MICOS13: variants seen among roughly 807,000 people sequenced by gnomAD.
MICOS13 encodes mitochondrial contact site and cristae organizing system subunit 13, also known as MICOS complex subunit MIC13.
MICOS13 carries 15 observed loss-of-function variants against 16.1 expected under a neutral mutation model. The ratio of observed to expected loss-of-function variants is 0.93; its 90% CI spans 0.62 to 1.44. The LOEUF is 1.44. MICOS13 is among the 40% of genes most tolerant of loss of function. The pLI is 0.00. For synonymous variants in MICOS13, 61 were observed against 62.6 expected (o/e 0.97, Z 0.12); for missense variants, 164 against 155.0 (o/e 1.06, Z -0.31).
intron 2 of MICOS13, 46 bp from the exon 3 acceptor site, chr19:5,679,442 A>C: frequency 6.2e-7 from 1 of 1,603,140 alleles, no homozygotes; most frequent in Non-Finnish European, 8.5e-7. Context: ...AAGGCTCAGC[A>C]GCCCATCCCC....
At chr19:5,680,333 C>A (rs1245152823) in intron 1 of MICOS13, 125 bp downstream of exon 1, 2 of 1,607,088 alleles carry the variant, frequency 1.2e-6, no homozygotes, top group African/African-American at 1.3e-5. Context: ...GGCCCATAGG[C>A]GGGGAACGAA....
At chr19:5,679,099 A>G (rs1034154721) in intron 3 of MICOS13, 14 of 484,952 alleles carry the variant, frequency 2.9e-5, no homozygotes, top group African/African-American at 2.4e-4. Context: ...TTTAGTAGAG[A>G]TGGGGTTTCA....
Position 5,680,505 on chromosome 19 carries a change from G to GC in MICOS13, c.-20dup. 1 of 1,600,488 alleles carries GC rather than the reference G, an allele frequency of 6.2e-7. No homozygotes were observed. Among genetic ancestry groups the GC allele is most frequent in the Non-Finnish European group, 8.5e-7 (1 of 1,176,452 alleles). The stretch of plus-strand genomic sequence containing the variant: ...CCACCATGGTCGCTCGGATCCACGC[G>GC]CAAGGACACTCGGCTCGCCCGCCGC... On this transcript the variant is annotated 5_prime_UTR_variant, in exon 1 of 4. Coordinates refer to ENST00000309324, the MANE Select transcript of MICOS13 (RefSeq NM_205767.3).
chr19:5,678,986 G>A, intron 3 of MICOS13: 1 of 371,890 alleles, frequency 2.7e-6, no homozygotes, highest in Non-Finnish European at 4.9e-6. Flanking sequence ...TCGGCTCACT[G>A]CAACCTCTGC....
chr19:5,679,605 G>C lies in MICOS13; in HGVS notation c.188C>G (p.Thr63Arg), dbSNP rs2054494563. Residue 63 changes from threonine (T) to arginine (R), a missense_variant, in exon 2 of 4, where the codon ACA (threonine) becomes AGA (arginine). Transcript: ENST00000309324. The part of the protein sequence containing the change: ...YQFSQYVCQQ[T>R]GLQIPQLPAP... The stretch of plus-strand genomic sequence containing the variant: ...TAGTACCTGGGGTATCTGCAGGCCT[G>C]TCTGCTGACACACGTACTGGCTGAA... 1 of 1,611,014 alleles carries C rather than the reference G, an allele frequency of 6.2e-7. No individual in the cohort carries two copies. The highest frequency in any genetic ancestry group is 1.3e-5 in the African/African-American group (1 of 74,782).
At chr19:5,679,980 T>C (rs2054503206) in intron 1 of MICOS13, 2 of 1,465,884 alleles carry the variant, frequency 1.4e-6, no homozygotes, top group African/African-American at 2.9e-5. Flanking sequence ...ACTGATGAAC[T>C]GAAACCCAGA....
intron 3 of MICOS13, 112 bp downstream of exon 3, chr19:5,679,233 A>C: frequency 8.7e-6 from 10 of 1,154,024 alleles, no homozygotes; most frequent in African/African-American, 1.6e-5. Flanking sequence ...TTAGATCCCT[A>C]AGAGACACGT....
chr19:5,678,762 G>GT, intron 3 of MICOS13, 114 bp from the exon 4 acceptor site: 1 of 576,976 alleles, frequency 1.7e-6, no homozygotes, highest in Non-Finnish European at 3.0e-6. Context: ...GGGGGGCGGG[G>GT]ATGGAGTCTC....
At chr19:5,679,508 C>G in intron 2 of MICOS13, 78 bp downstream of exon 2, 1 of 1,593,394 alleles carries the variant, frequency 6.3e-7, no homozygotes, top group Non-Finnish European at 8.6e-7. Flanking sequence ...ATATGGAGGA[C>G]AACATCGTGC....
At chr19:5,679,558 C>T in intron 2 of MICOS13, 28 bp downstream of exon 2, 1 of 1,605,030 alleles carries the variant, frequency 6.2e-7, no homozygotes, top group Non-Finnish European at 8.5e-7. Context: ...ACCCGCCAAA[C>T]CCTGGCCTCG....
Position 5,679,948 on chromosome 19 carries a change from A to C in MICOS13, c.30-185T>G, listed in dbSNP as rs1011265758. On this transcript the variant is annotated intron_variant, in intron 1 of 3. Coordinates refer to ENST00000309324, the MANE Select transcript of MICOS13 (RefSeq NM_205767.3). Reference sequence around the variant, plus strand: ...GCACTCGTTTTACAACGTGCAAGGCAGGGCGGCTGGACGCCACTTGAACTG... The same window carrying C: ...GCACTCGTTTTACAACGTGCAAGGCCGGGCGGCTGGACGCCACTTGAACTG... 28 of 1,392,032 alleles carry C rather than the reference A, an allele frequency of 2.0e-5. No individual in the cohort carries two copies. In the African/African-American group the frequency reaches 3.1e-4, roughly 15 times the overall value. 86.2% of individuals were successfully genotyped at this position (1,392,032 alleles called of 1,614,324 possible). A position where few individuals can be genotyped will look rare whatever the true frequency, so the allele number is the denominator to read the frequency against.
chr19:5,679,837 G>A (rs1250553450), intron 1 of MICOS13, 74 bp from the exon 2 acceptor site: 1 of 1,507,286 alleles, frequency 6.6e-7, no homozygotes, highest in Non-Finnish European at 8.9e-7. Flanking sequence ...GGCCCACGGG[G>A]AGAGTGAGAC....
At chr19:5,679,154 C>A in intron 3 of MICOS13, 191 bp downstream of exon 3, 2 of 604,440 alleles carry the variant, frequency 3.3e-6, no homozygotes, top group Non-Finnish European at 5.8e-6. Context: ...TCAGATGATC[C>A]GCCCACCTCA....
At chr19:5,679,316 C>T (rs2054487814) in intron 3 of MICOS13, 29 bp downstream of exon 3, 1 of 1,603,066 alleles carries the variant, frequency 6.2e-7, no homozygotes, top group Non-Finnish European at 8.5e-7. Flanking sequence ...GGGGTGTCTC[C>T]CTCCAAGCAA....
chr19:5,679,560 C>T (rs760937321), intron 2 of MICOS13, 26 bp downstream of exon 2: 1 of 1,605,198 alleles, frequency 6.2e-7, no homozygotes, highest in Admixed American at 1.7e-5. Context: ...CCGCCAAACC[C>T]TGGCCTCGTT....
rs773350543 is a variant in MICOS13 at position 5,679,651 on chromosome 19, C to T, written c.142G>A (p.Val48Ile). The change falls in exon 2 of 4, where the codon GTC becomes ATC. Residue 48 changes from valine (V) to isoleucine (I), a missense_variant. Physicochemically the swap from Val to Ile is conservative, Grantham distance 29. Coordinates refer to ENST00000309324, the MANE Select transcript of MICOS13 (RefSeq NM_205767.3). ...CTGAACTGGTACATGGCGGGGGGGA[C>T]CACCTCCCCAGCCTTCTGTAGGGCT... ...QAALQKAGEV[V>I]PPAMYQFSQY... 3 of 1,610,782 alleles carry T rather than the reference C, an allele frequency of 1.9e-6. No homozygotes were observed. In the South Asian group the frequency reaches 3.3e-5, roughly 18 times the overall value.
chr19:5,679,752 T>G lies in MICOS13; in HGVS notation c.41A>C (p.Lys14Thr). 1 of 1,604,272 alleles carries G rather than the reference T, an allele frequency of 6.2e-7. No homozygotes were observed. The highest frequency in any genetic ancestry group is 8.5e-7 in the Non-Finnish European group (1 of 1,177,416). ...RVWSLMRFLI[K>T]GSVAGGAVYL... ...GACGGCGCCCCCAGCCACACTTCCC[T>G]TGATGAGGAACCTGCGGGCAGGGAC... is the stretch of plus-strand genomic sequence containing the variant. Residue 14 changes from lysine (K) to threonine (T), a missense_variant, in exon 2 of 4, where the codon AAG becomes ACG. Transcript: ENST00000309324.
chr19:5,680,042 G>C (rs1242312856), intron 1 of MICOS13: 1 of 1,517,884 alleles, frequency 6.6e-7, no homozygotes, highest in African/African-American at 1.4e-5. Flanking sequence ...CAGTGAAGAC[G>C]TAAGATCTTG....
At chr19:5,679,197 C>T (rs2054484732) in intron 3 of MICOS13, 148 bp downstream of exon 3, 3 of 845,244 alleles carry the variant, frequency 3.5e-6, no homozygotes, top group Non-Finnish European at 5.5e-6. Flanking sequence ...CAGGCGTGAG[C>T]CACTGTGCTC....
Sources: allele counts gnomAD v4.1 joint callset, GRCh38; gene constraint gnomAD v4.1.1; transcripts MANE v1.5; gene names NCBI Gene and HGNC (gene_info 2026-07-23, HGNC 2026-07-21).